The following CCSER1 variants were observed in gnomAD, a reference collection of about 807,000 sequenced individuals.
CCSER1 encodes serine-rich coiled-coil domain-containing protein 1.
In CCSER1, 41 loss-of-function variants were observed where a neutral mutation model predicts 82.0. That is an observed-to-expected ratio of 0.50 (90% CI 0.39 to 0.65). CCSER1 has a LOEUF of 0.65. Among genes scored for constraint, CCSER1 ranks in the 30% least tolerant of loss-of-function variants. The pLI is 0.00. For synonymous variants in CCSER1, 414 were observed against 383.9 expected (o/e 1.08, Z -0.92); for missense variants, 1,119 against 1,064.2 (o/e 1.05, Z -0.72).
chr4:90,895,604 T>G (rs1723590139), intron 8 of CCSER1, among the ~76,000 whole-genome samples: 1 of 151,888 alleles, frequency 6.6e-6, no homozygotes, highest in Admixed American at 6.6e-5. Context: ...ATGTATAAAA[T>G]CATTTACATT....
At chr4:91,328,955 T>C (rs779198032) in intron 10 of CCSER1, among the ~76,000 whole-genome samples, 7 of 151,980 alleles carry the variant, frequency 4.6e-5, no homozygotes, top group Non-Finnish European at 1.0e-4. Flanking sequence ...GCAAAAGCTC[T>C]CTTGCCTGCC....
At chr4:90,954,755 G>A (rs761997645) in intron 9 of CCSER1, among the ~76,000 whole-genome samples, 3 of 150,820 alleles carry the variant, frequency 2.0e-5, no homozygotes, top group Non-Finnish European at 3.0e-5. Flanking sequence ...TTTGAAATTC[G>A]TTTTTATGTG....
intron 5 of CCSER1, among the ~76,000 whole-genome samples, chr4:90,622,426 A>G (rs530838873): frequency 1.1e-3 from 160 of 151,850 alleles, no homozygotes; most frequent in African/African-American, 3.7e-3. Context: ...CCCTGCCCCA[A>G]CCCCTCGACA....
At chr4:90,682,518 A>T (rs1734066783) in intron 6 of CCSER1, among the ~76,000 whole-genome samples, 1 of 152,016 alleles carries the variant, frequency 6.6e-6, no homozygotes, top group South Asian at 2.1e-4. Context: ...ACAAAATCTC[A>T]GTGGTTTCAT....
chr4:91,235,877 A>C (rs1346697077), intron 10 of CCSER1, among the ~76,000 whole-genome samples: 1 of 152,220 alleles, frequency 6.6e-6, no homozygotes, highest in Non-Finnish European at 1.5e-5. Flanking sequence ...GGATTAAAAA[A>C]TAACTGAATT....
intron 4 of CCSER1, among the ~76,000 whole-genome samples, chr4:90,464,268 A>C (rs10026030): frequency 0.077 from 11,654 of 152,278 alleles, 599 homozygotes; most frequent in African/African-American, 0.13. Context: ...TTTAATAACT[A>C]TCTAGAAATA....
At position 91,471,343 on chromosome 4, in the gene CCSER1, A is replaced by AGT. The variant is rs908385031; in HGVS notation, c.2218-127226_2218-127225dup. Among the ~76,000 whole-genome samples the AGT allele has an allele frequency of 1.1e-4, 16 of 152,290 alleles. No individual in the cohort carries two copies. In the South Asian group the frequency reaches 2.3e-3, roughly 22 times the overall value. On this transcript the variant is annotated intron_variant, in intron 10 of 10. Coordinates refer to ENST00000509176, the MANE Select transcript of CCSER1 (RefSeq NM_001145065.2). ...AACCCTATCCAGTAACTTTACCATG[A>AGT]GTGTAATCTACCCAAATGAATTGCT...
intron 10 of CCSER1, among the ~76,000 whole-genome samples, chr4:91,458,300 G>T (rs566379889): frequency 3.6e-4 from 55 of 152,156 alleles, no homozygotes; most frequent in African/African-American, 1.2e-3. Context: ...GTATGTTCTT[G>T]GTTCCTTTGT....
chr4:91,537,783 A>T (rs1451304163), intron 10 of CCSER1, among the ~76,000 whole-genome samples: 1 of 151,550 alleles, frequency 6.6e-6, no homozygotes, highest in Non-Finnish European at 1.5e-5. Flanking sequence ...CCTATATGGG[A>T]GTACAGAGTA....
At chr4:90,405,913 A>C (rs543339959) in intron 4 of CCSER1, among the ~76,000 whole-genome samples, 17 of 152,194 alleles carry the variant, frequency 1.1e-4, no homozygotes, top group Non-Finnish European at 2.1e-4. Context: ...AAACTCCTTA[A>C]AGCATAAATC....
intron 1 of CCSER1, among the ~76,000 whole-genome samples, chr4:90,247,697 A>G (rs1187825326): frequency 6.6e-6 from 1 of 152,062 alleles, no homozygotes; most frequent in Admixed American, 6.6e-5. Context: ...TAAACGTATA[A>G]TTAGGAATAT....
At chr4:91,308,973 C>T (rs1420944915) in intron 10 of CCSER1, among the ~76,000 whole-genome samples, 2 of 151,932 alleles carry the variant, frequency 1.3e-5, no homozygotes, top group Non-Finnish European at 2.9e-5. Context: ...ACTTTTTAGG[C>T]TACTGGCCTA....
chr4:90,198,407 A>AATATAC (rs1288360747), intron 1 of CCSER1, among the ~76,000 whole-genome samples: 1 of 152,190 alleles, frequency 6.6e-6, no homozygotes, highest in Non-Finnish European at 1.5e-5. Context: ...GCAGACACCA[A>AATATAC]ATATACATTT....
chr4:90,675,405 T>C (rs1401543146), intron 6 of CCSER1, among the ~76,000 whole-genome samples: 1 of 151,990 alleles, frequency 6.6e-6, no homozygotes, highest in African/African-American at 2.4e-5. Context: ...TAAATGTGTA[T>C]TGTACAGCTA....
At chr4:90,539,862 T>C (rs931085104) in intron 5 of CCSER1, among the ~76,000 whole-genome samples, 1 of 152,106 alleles carries the variant, frequency 6.6e-6, no homozygotes, top group Non-Finnish European at 1.5e-5. Flanking sequence ...TCACTTTTTG[T>C]GTAGAGGTCA....
intron 4 of CCSER1, among the ~76,000 whole-genome samples, chr4:90,463,483 T>C (rs1763210980): frequency 6.6e-6 from 1 of 152,116 alleles, no homozygotes; most frequent in Non-Finnish European, 1.5e-5. Context: ...ACAGTAAGAG[T>C]AAATGCACAG....
chr4:90,993,717 C>G (rs1323618707), intron 9 of CCSER1, among the ~76,000 whole-genome samples: 2 of 151,944 alleles, frequency 1.3e-5, no homozygotes, highest in Admixed American at 1.3e-4. Flanking sequence ...TATCTTGAGT[C>G]TCCTTATAAG....
chr4:90,985,669 A>G lies in CCSER1; in HGVS notation c.2172+62222A>G, dbSNP rs902291546. On this transcript the variant is annotated intron_variant, in intron 9 of 10. Transcript: ENST00000509176. ...GTAATACATACATTTTCTTTTTATT[A>G]TACGTCATCTGAATGGCATGTCTCT... Among the ~76,000 whole-genome samples, 5 of 151,778 alleles carry G rather than the reference A, an allele frequency of 3.3e-5. No individual in the cohort carries two copies. In the East Asian group the frequency reaches 7.8e-4, roughly 24 times the overall value.
chr4:91,109,527 G>T (rs955782316), intron 10 of CCSER1, among the ~76,000 whole-genome samples: 1 of 151,934 alleles, frequency 6.6e-6, no homozygotes, highest in Admixed American at 6.6e-5. Context: ...GAGATCAAAA[G>T]CATTAAGTAA....
Sources: gnomAD v4.1 joint callset for allele counts (sites outside exome capture counted in the v4.1 genomes callset) on GRCh38, gnomAD v4.1.1 for gene constraint, MANE v1.5 for transcripts, NCBI Gene and HGNC (gene_info 2026-07-23, HGNC 2026-07-21) for gene names.